The following NUMB variants were observed in gnomAD, a reference collection of about 807,000 sequenced individuals.
The protein encoded by NUMB is NUMB endocytic adaptor protein, also known as protein numb homolog.
In NUMB, 29 loss-of-function variants were observed where a neutral mutation model predicts 59.7. The ratio of observed to expected loss-of-function variants is 0.49; its 90% CI spans 0.36 to 0.66. The LOEUF (loss-of-function observed/expected upper bound fraction) is 0.66. NUMB is among the 30% of genes least tolerant of loss of function. The probability of loss-of-function intolerance (pLI) is 0.00; values close to 1 mark genes in which losing one functional copy is unlikely to be tolerated. For synonymous variants in NUMB, 288 were observed against 288.2 expected, an observed-to-expected ratio of 1.00 and a Z score of 0.01; for missense variants, 723 against 822.0, an observed-to-expected ratio of 0.88 and a Z score of 1.47.
intron 6 of NUMB, among the ~76,000 whole-genome samples, chr14:73,305,469 T>C (rs1352410307): frequency 6.6e-6 from 1 of 152,168 alleles, no homozygotes; most frequent in Admixed American, 6.5e-5. Context: ...TAAAATTCTA[T>C]GATCCCCAAG....
intron 2 of NUMB, among the ~76,000 whole-genome samples, chr14:73,398,619 A>T (rs1896264898): frequency 1.3e-5 from 2 of 152,074 alleles, no homozygotes; most frequent in Admixed American, 1.3e-4. Flanking sequence ...GGGAAACCCA[A>T]ATTGTAACAA....
chr14:73,425,809 A>ATTTT (rs71112753), intron 1 of NUMB, among the ~76,000 whole-genome samples: 1 of 138,140 alleles, frequency 7.2e-6, no homozygotes, highest in Non-Finnish European at 1.6e-5. Context: ...ATTTTATTTA[A>ATTTT]TTTTTTTTTT....
At chr14:73,346,394 T>A (rs2139991303) in intron 4 of NUMB, among the ~76,000 whole-genome samples, 1 of 151,622 alleles carries the variant, frequency 6.6e-6, no homozygotes, top group South Asian at 2.1e-4. Flanking sequence ...GCAGGAGAAT[T>A]GCTTGAACCC....
chr14:73,348,510 A>G (rs565045904), intron 4 of NUMB, among the ~76,000 whole-genome samples: 1 of 152,200 alleles, frequency 6.6e-6, no homozygotes, highest in East Asian at 1.9e-4. Context: ...CCTGAGCTCC[A>G]CCTCCTATCT....
rs177381 is a variant in NUMB, at chr14:73,276,659, A to G, written c.1875T>C (p.Asn625=). ...AGGGATTAGTACGCTGCTTGGACTT[A>G]TTTTCTAATGCAGCCCACTGGGCTT... ...PFEAQWAALE[N]KSKQRTNPSP... is the part of the protein sequence containing the mutation. Residue 625 remains asparagine, a synonymous_variant, in exon 13 of 13, where the codon AAT becomes AAC. Transcript: ENST00000555238. 8,165 of 1,614,052 alleles carry G rather than the reference A, an allele frequency of 5.1e-3. 124 individuals are homozygous for G. The highest frequency in any genetic ancestry group is 0.04 in the African/African-American group (2,978 of 75,010).
In NUMB at chr14:73,276,809, G is replaced by A; in HGVS notation, c.1725C>T (p.Phe575=). 6.2e-7 allele frequency: 1 copy of A among 1,613,916 alleles called. No individual in the cohort carries two copies. The highest frequency in any genetic ancestry group is 8.5e-7 in the Non-Finnish European group (1 of 1,180,024). The change falls in exon 13 of 13, where the codon TTC becomes TTT. Residue 575 remains phenylalanine, a synonymous_variant. Transcript: ENST00000555238. The part of the protein sequence containing the change: ...YEASSATTSP[F]FKPPAQHLNG... Reference sequence around the variant, plus strand: ...TGAGGTGCTGAGCAGGAGGCTTAAAGAAGGGACTGGTGGTAGCACTGCTTG... The same window carrying A: ...TGAGGTGCTGAGCAGGAGGCTTAAAAAAGGGACTGGTGGTAGCACTGCTTG...
At chr14:73,375,503 T>C (rs1472106311) in intron 2 of NUMB, among the ~76,000 whole-genome samples, 1 of 152,206 alleles carries the variant, frequency 6.6e-6, no homozygotes, top group Admixed American at 6.5e-5. Context: ...ATAATGCATA[T>C]TAAATTCCAT....
At chr14:73,361,127 C>T (rs1389714613) in intron 3 of NUMB, among the ~76,000 whole-genome samples, 2 of 152,112 alleles carry the variant, frequency 1.3e-5, no homozygotes, top group African/African-American at 2.4e-5. Flanking sequence ...TGAGCTCAAG[C>T]GACATGCCTG....
intron 1 of NUMB, among the ~76,000 whole-genome samples, chr14:73,420,196 T>A (rs1218391119): frequency 2.0e-5 from 3 of 152,200 alleles, no homozygotes; most frequent in Non-Finnish European, 4.4e-5. Context: ...GACCCAGATG[T>A]TTCCAGGTAT....
chr14:73,393,027 G>A (rs1469505488), intron 2 of NUMB, among the ~76,000 whole-genome samples: 1 of 152,154 alleles, frequency 6.6e-6, no homozygotes, highest in Non-Finnish European at 1.5e-5. Flanking sequence ...ACCCAAAAAG[G>A]TTAACAGTGG....
chr14:73,394,161 G>A (rs1306330403), intron 2 of NUMB, among the ~76,000 whole-genome samples: 2 of 152,052 alleles, frequency 1.3e-5, no homozygotes, highest in Non-Finnish European at 2.9e-5. Flanking sequence ...CACCATGTTG[G>A]CCAGGCTGGT....
intron 1 of NUMB, among the ~76,000 whole-genome samples, chr14:73,411,355 G>GTTTC (rs377296084): frequency 0.81 from 122,693 of 151,552 alleles, 50,364 homozygotes; most frequent in African/African-American, 0.95. Context: ...TAAACCTCAA[G>GTTTC]TTTATTTGCA....
intron 2 of NUMB, among the ~76,000 whole-genome samples, chr14:73,396,195 G>C (rs1896122423): frequency 6.6e-6 from 1 of 151,552 alleles, no homozygotes; most frequent in Non-Finnish European, 1.5e-5. Context: ...TGATCCTCCT[G>C]CCTCAGTCTC....
At chr14:73,390,373 T>C (rs1895779736) in intron 2 of NUMB, among the ~76,000 whole-genome samples, 1 of 152,232 alleles carries the variant, frequency 6.6e-6, no homozygotes, top group Non-Finnish European at 1.5e-5. Context: ...TGGTTTGATT[T>C]GCTTTTAGAA....
rs139283395 is a variant in NUMB at position 73,358,701 on chromosome 14, T to C, written c.-15-2935A>G. ...ATTAATACCTTCTTCTTACTTCTAT[T>C]ATTGTATGCATCAACCTTATAGTAA... On this transcript the variant is annotated intron_variant, in intron 3 of 12. Coordinates refer to ENST00000555238, the MANE Select transcript of NUMB (RefSeq NM_001005743.2). 1.6e-4 allele frequency among the ~76,000 whole-genome samples: 25 copies of C among 152,136 alleles called. No homozygotes were observed. The East Asian group carries it at 4.8e-3, about 29-fold the overall frequency.
intron 3 of NUMB, among the ~76,000 whole-genome samples, chr14:73,357,917 AC>A (rs1275066861): frequency 2.0e-5 from 3 of 151,132 alleles, no homozygotes; most frequent in Non-Finnish European, 4.4e-5. Flanking sequence ...ACCAAAAAAA[AC>A]AAACTAAAAA....
intron 1 of NUMB, among the ~76,000 whole-genome samples, chr14:73,420,250 G>A (rs999275527): frequency 8.5e-5 from 13 of 152,202 alleles, no homozygotes; most frequent in African/African-American, 2.9e-4. Flanking sequence ...TGCAAGACAC[G>A]TTGTCGTCTG....
intron 1 of NUMB, among the ~76,000 whole-genome samples, chr14:73,417,275 C>T (rs1327191924): frequency 2.0e-5 from 3 of 152,118 alleles, no homozygotes; most frequent in Non-Finnish European, 4.4e-5. Context: ...CTCTGACTTA[C>T]ACACTTAGCC....
chr14:73,391,617 G>A (rs1052227127), intron 2 of NUMB, among the ~76,000 whole-genome samples: 1 of 152,106 alleles, frequency 6.6e-6, no homozygotes, highest in Non-Finnish European at 1.5e-5. Context: ...CACTTAGATG[G>A]CTTAATGTAC....
Sources: gnomAD v4.1 joint callset for allele counts (sites outside exome capture counted in the v4.1 genomes callset) on GRCh38, gnomAD v4.1.1 for gene constraint, MANE v1.5 for transcripts, NCBI Gene and HGNC (gene_info 2026-07-23, HGNC 2026-07-21) for gene names.